GRIP1: variants seen among roughly 807,000 people sequenced by gnomAD.
GRIP1 encodes the protein glutamate receptor interacting protein 1.
A neutral mutation model predicts 129.9 loss-of-function variants in GRIP1; 45 were observed. The ratio of observed to expected loss-of-function variants is 0.35; its 90% CI spans 0.27 to 0.44. The LOEUF is 0.44. GRIP1 is among the 20% of genes least tolerant of loss of function. The pLI, the probability that GRIP1 is intolerant of heterozygous loss-of-function variation, is 1.00. For missense variants in GRIP1, 1,196 were observed against 1,396.8 expected (o/e 0.86, Z 2.29); for synonymous variants, 530 against 520.8 (o/e 1.02, Z -0.24).
At chr12:66,382,744 A>G (rs575926640) in intron 19 of GRIP1, among the ~76,000 whole-genome samples, 1 of 152,358 alleles carries the variant, frequency 6.6e-6, no homozygotes, top group South Asian at 2.1e-4. Flanking sequence ...ACTAAAATGC[A>G]AAGGGAAATA....
intron 5 of GRIP1, among the ~76,000 whole-genome samples, chr12:66,522,418 C>G (rs541661612): frequency 3.7e-4 from 56 of 152,338 alleles, no homozygotes; most frequent in African/African-American, 1.3e-3. Context: ...GATACCCAGG[C>G]AAACAGGGTT....
chr12:66,485,728 CTA>C (rs753331401), intron 7 of GRIP1, among the ~76,000 whole-genome samples: 4 of 151,754 alleles, frequency 2.6e-5, no homozygotes, highest in Non-Finnish European at 5.9e-5. Context: ...AAATTGATTC[CTA>C]TGTGTTGTGC....
At chr12:66,417,135 G>A (rs2057636290) in intron 15 of GRIP1, among the ~76,000 whole-genome samples, 1 of 152,032 alleles carries the variant, frequency 6.6e-6, no homozygotes, top group African/African-American at 2.4e-5. Context: ...GATGGTGCAA[G>A]CTATGCAAAT....
chr12:66,872,608 T>C (rs1341471184), intron 1 of GRIP1, among the ~76,000 whole-genome samples: 1 of 151,944 alleles, frequency 6.6e-6, no homozygotes, highest in Non-Finnish European at 1.5e-5. Flanking sequence ...CAGTAAAATA[T>C]ATATAAAAAA....
At chr12:66,727,415 G>T (rs4399392) in intron 1 of GRIP1, among the ~76,000 whole-genome samples, 143,646 of 152,280 alleles carry the variant, frequency 0.94, 67,834 homozygotes, top group East Asian at 1. Context: ...CTTGCTCTTG[G>T]GCCAGCAGCC....
At chr12:66,526,108 G>A (rs535872425) in intron 5 of GRIP1, among the ~76,000 whole-genome samples, 1 of 152,090 alleles carries the variant, frequency 6.6e-6, no homozygotes, top group African/African-American at 2.4e-5. Flanking sequence ...ACTGCCCAAG[G>A]TAATTTATAG....
chr12:66,574,349 G>A (rs887774125), intron 2 of GRIP1, among the ~76,000 whole-genome samples: 3 of 152,244 alleles, frequency 2.0e-5, no homozygotes, highest in Non-Finnish European at 4.4e-5. Context: ...AAAGCCCAAG[G>A]GCACTCCTCT....
At chr12:66,845,981 T>C (rs938837740) in intron 1 of GRIP1, among the ~76,000 whole-genome samples, 1 of 152,178 alleles carries the variant, frequency 6.6e-6, no homozygotes, top group East Asian at 1.9e-4. Context: ...ATATTCATCA[T>C]TGTCCAAATT....
chr12:66,703,930 C>G (rs1043277336), intron 1 of GRIP1, among the ~76,000 whole-genome samples: 1 of 151,522 alleles, frequency 6.6e-6, no homozygotes, highest in African/African-American at 2.4e-5. Context: ...AAATTATACA[C>G]TTAAAAATGG....
chr12:66,482,457 G>A (rs1441942836), intron 7 of GRIP1, among the ~76,000 whole-genome samples: 1 of 152,170 alleles, frequency 6.6e-6, no homozygotes. Flanking sequence ...CCATGTGGCA[G>A]TCACTTTCTG....
At chr12:67,041,688 T>A (rs530782806) in intron 1 of GRIP1, among the ~76,000 whole-genome samples, 4 of 152,144 alleles carry the variant, frequency 2.6e-5, no homozygotes, top group Non-Finnish European at 1.5e-5. Context: ...TCCTAAGTAT[T>A]GTAAATAAAT....
intron 1 of GRIP1, chr12:67,065,268 G>A (rs2043605633): frequency 6.6e-6 from 1 of 152,180 alleles, no homozygotes; most frequent in African/African-American, 2.4e-5. Flanking sequence ...GAGCCCAGGA[G>A]GTAGAGGCTA....
chr12:66,450,531 A>T (rs1462602284), intron 11 of GRIP1, among the ~76,000 whole-genome samples: 2 of 146,874 alleles, frequency 1.4e-5, no homozygotes, highest in South Asian at 4.4e-4. Context: ...CTCTATTTGG[A>T]GGCAAGTTGA....
intron 1 of GRIP1, among the ~76,000 whole-genome samples, chr12:66,845,056 C>T (rs982834450): frequency 2.0e-5 from 3 of 152,116 alleles, no homozygotes; most frequent in Non-Finnish European, 4.4e-5. Context: ...TGTGAATATA[C>T]TTAACACTAT....
intron 16 of GRIP1, among the ~76,000 whole-genome samples, chr12:66,400,161 A>C (rs2056933112): frequency 6.6e-6 from 1 of 151,890 alleles, no homozygotes; most frequent in Admixed American, 6.5e-5. Context: ...TTTGCATTTG[A>C]CTGAGAATCC....
At chr12:66,795,357 G>T (rs6581717) in intron 1 of GRIP1, among the ~76,000 whole-genome samples, 87,394 of 151,958 alleles carry the variant, frequency 0.58, 25,152 homozygotes, top group East Asian at 0.64. Flanking sequence ...TGAAAATTCA[G>T]GAACCACATA....
intron 1 of GRIP1, among the ~76,000 whole-genome samples, chr12:66,955,431 C>A (rs140674259): frequency 8.8e-4 from 134 of 151,858 alleles, no homozygotes; most frequent in African/African-American, 2.6e-3. Flanking sequence ...GCACCTTCAT[C>A]CAAATATTTC....
intron 8 of GRIP1, among the ~76,000 whole-genome samples, chr12:66,464,829 T>TGC (rs1361993917): frequency 6.6e-6 from 1 of 152,044 alleles, no homozygotes; most frequent in Non-Finnish European, 1.5e-5. Context: ...TGTGTGTGTG[T>TGC]GTGTGTGTAT....
intron 1 of GRIP1, among the ~76,000 whole-genome samples, chr12:67,048,432 A>G (rs188724678): frequency 4.6e-5 from 7 of 152,284 alleles, no homozygotes; most frequent in African/African-American, 1.4e-4. Flanking sequence ...AAAATTTTAT[A>G]TATGTAAACG....
Sources: allele counts gnomAD v4.1 joint callset (sites outside exome capture counted in the v4.1 genomes callset), GRCh38; gene constraint gnomAD v4.1.1; transcripts MANE v1.5; gene names NCBI Gene and HGNC (gene_info 2026-07-23, HGNC 2026-07-21).